The following SCNN1B variants were observed in gnomAD, a reference collection of about 807,000 sequenced individuals.
The protein encoded by SCNN1B is epithelial sodium channel subunit beta.
Under a neutral mutation model 65.3 loss-of-function variants are expected in SCNN1B, and 46 were observed. That is an observed-to-expected ratio of 0.70 (90% CI 0.56 to 0.90). The LOEUF (loss-of-function observed/expected upper bound fraction) is 0.90, where lower values mean the gene tolerates loss of function less well. SCNN1B is among the 40% of genes least tolerant of loss of function. The pLI is 0.00. For missense variants in SCNN1B, 751 were observed against 830.5 expected (o/e 0.90, Z 1.18); for synonymous variants, 349 against 330.6 (o/e 1.06, Z -0.60).
chr16:23,318,488 A>G (rs575979573), intron 1 of SCNN1B, among the ~76,000 whole-genome samples: 1 of 152,306 alleles, frequency 6.6e-6, no homozygotes, highest in South Asian at 2.1e-4. Flanking sequence ...GGACGCCTGT[A>G]ATCCCAGCTA....
intron 10 of SCNN1B, among the ~76,000 whole-genome samples, 173 bp downstream of exon 10, chr16:23,377,559 TTCC>T (rs1962927815): frequency 8.9e-6 from 1 of 112,440 alleles, no homozygotes; most frequent in Admixed American, 9.2e-5. Context: ...CCTTCCTTCC[TTCC>T]TCCTCTCTTT....
At position 23,377,745 on chromosome 16, in the gene SCNN1B, T is replaced by C. The variant is rs186839287; in HGVS notation, c.1404+359T>C. ...TTCTCCCTCCCTCCCCACTTCTGTT[T>C]CCTTCTTTCTTTCCTTCCTTCCTCC... On this transcript the variant is annotated intron_variant, in intron 10 of 12. Coordinates refer to ENST00000343070, the MANE Select transcript of SCNN1B (RefSeq NM_000336.3). Among the ~76,000 whole-genome samples, 249 of 132,314 alleles carry C rather than the reference T, an allele frequency of 1.9e-3. 2 individuals are homozygous for C. Among genetic ancestry groups the C allele is most frequent in the Non-Finnish European group, 1.2e-3 (70 of 60,064 alleles). The allele number at this position is 132,314 out of a possible 152,430, so 86.8% of individuals were successfully genotyped here.
intron 2 of SCNN1B, among the ~76,000 whole-genome samples, chr16:23,287,732 A>G (rs1567284578): frequency 6.6e-6 from 1 of 152,018 alleles, no homozygotes; most frequent in Non-Finnish European, 1.5e-5. Flanking sequence ...TGACAGAGTG[A>G]CACTCAGTCT....
At chr16:23,287,368 G>C (rs1266096583) in intron 2 of SCNN1B, among the ~76,000 whole-genome samples, 1 of 152,020 alleles carries the variant, frequency 6.6e-6, no homozygotes, top group African/African-American at 2.4e-5. Context: ...CATTGACTGG[G>C]TCTCGGTTTA....
At chr16:23,304,174 A>C in intron 1 of SCNN1B, 1 of 1,209,362 alleles carries the variant, frequency 8.3e-7, no homozygotes, top group Non-Finnish European at 1.2e-6. Flanking sequence ...TCTTTATCCT[A>C]AACTAACTTC....
chr16:23,280,343 G>A (rs1470387969), intron 1 of SCNN1B, among the ~76,000 whole-genome samples: 2 of 151,806 alleles, frequency 1.3e-5, no homozygotes, highest in Admixed American at 1.3e-4. Flanking sequence ...TCCCACCTCA[G>A]CCTCTTGAGT....
intron 2 of SCNN1B, among the ~76,000 whole-genome samples, chr16:23,288,234 A>T (rs1960878451): frequency 2.0e-5 from 3 of 152,176 alleles, no homozygotes; most frequent in Admixed American, 2.0e-4. Context: ...TCTATAAAAG[A>T]AAACTGCCCC....
chr16:23,347,464 A>G (rs1245680165), intron 1 of SCNN1B, among the ~76,000 whole-genome samples: 6 of 152,250 alleles, frequency 3.9e-5, no homozygotes, highest in Admixed American at 3.9e-4. Context: ...GTCTAATGAA[A>G]TCAATTTCAC....
At chr16:23,325,887 T>TAATA (rs1555485521) in intron 1 of SCNN1B, among the ~76,000 whole-genome samples, 14,373 of 124,180 alleles carry the variant, frequency 0.12, 835 homozygotes, top group Middle Eastern at 0.14. Context: ...ACCCTGTCTC[T>TAATA]AATAAATAAA....
chr16:23,330,968 C>G (rs1293806119), intron 1 of SCNN1B, among the ~76,000 whole-genome samples: 3 of 152,174 alleles, frequency 2.0e-5, no homozygotes, highest in Non-Finnish European at 4.4e-5. Flanking sequence ...TTCCAAGGAC[C>G]CTGGCACATG....
Position 23,305,571 on chromosome 16 carries a change from TATATA to T in SCNN1B, c.-9+3135_-9+3139del, listed in dbSNP as rs1567290426. On this transcript the variant is annotated intron_variant, in intron 1 of 12. Coordinates refer to ENST00000343070, the MANE Select transcript of SCNN1B (RefSeq NM_000336.3). Reference sequence around the variant, plus strand: ...ATATATATATATATATATATATATATATATATTATATATATATATATATATATAAC... The same window carrying T: ...ATATATATATATATATATATATATATTTATATATATATATATATATATAAC... Among the ~76,000 whole-genome samples, 39 of 33,664 alleles carry T rather than the reference TATATA, an allele frequency of 1.2e-3. 4 individuals carry two copies. Among genetic ancestry groups the T allele is most frequent in the African/African-American group, 5.5e-3 (39 of 7,108 alleles). 22.1% of individuals were successfully genotyped at this position (33,664 alleles called of 152,430 possible).
chr16:23,301,961 G>C (rs1961092757), upstream of SCNN1B, among the ~76,000 whole-genome samples: 1 of 152,192 alleles, frequency 6.6e-6, no homozygotes, highest in Non-Finnish European at 1.5e-5. Context: ...TAGGTGAACG[G>C]GACAGGTACA....
chr16:23,281,346 T>A (rs1960781181), intron 1 of SCNN1B, among the ~76,000 whole-genome samples: 2 of 152,074 alleles, frequency 1.3e-5, no homozygotes, highest in South Asian at 4.2e-4. Context: ...GGCAGGAGAA[T>A]CACTTGAACT....
At chr16:23,331,545 CTT>C (rs1961812729) in intron 1 of SCNN1B, among the ~76,000 whole-genome samples, 1 of 151,948 alleles carries the variant, frequency 6.6e-6, no homozygotes, top group Admixed American at 6.6e-5. Flanking sequence ...GTCTCGAACT[CTT>C]GACCTCAGGT....
At chr16:23,353,865 G>A (rs750106941) in intron 3 of SCNN1B, among the ~76,000 whole-genome samples, 7 of 152,228 alleles carry the variant, frequency 4.6e-5, no homozygotes, top group African/African-American at 9.6e-5. Context: ...TCCCCTGCCC[G>A]TGTCTCAGGA....
At chr16:23,324,219 G>A (rs528706937) in intron 1 of SCNN1B, among the ~76,000 whole-genome samples, 148 of 145,932 alleles carry the variant, frequency 1.0e-3, no homozygotes, top group African/African-American at 3.7e-3. Context: ...ACAGGGTCTT[G>A]CTCTGTTGTC....
At chr16:23,350,252 A>G (rs1278109264) in intron 2 of SCNN1B, among the ~76,000 whole-genome samples, 1 of 152,096 alleles carries the variant, frequency 6.6e-6, no homozygotes, top group Non-Finnish European at 1.5e-5. Flanking sequence ...AGGTTCAGAG[A>G]AGTAAGTGAG....
At position 23,380,788 on chromosome 16, in the gene SCNN1B, G is replaced by A. The variant is rs200166680; in HGVS notation, c.1910G>A (p.Gly637Asp). The A allele has an allele frequency of 2.6e-5, 42 of 1,612,296 alleles. No individual in the cohort carries two copies. Among genetic ancestry groups the A allele is most frequent in the Non-Finnish European group, 3.3e-5 (39 of 1,179,996 alleles). The change falls in exon 13 of 13, where the codon GGT (glycine) becomes GAT (aspartate). Residue 637 changes from glycine to aspartate, a missense_variant. Coordinates refer to ENST00000343070, the MANE Select transcript of SCNN1B (RefSeq NM_000336.3). The surrounding 1 kb of genome is among the most constrained non-coding windows in gnomAD (Gnocchi z 5.4). ...PLDVIESDSE[G>D]DAI Reference sequence around the variant, plus strand: ...GACGTCATCGAGTCTGACAGTGAGGGTGATGCCATCTAACCCTGCCCCTGC... The same window carrying A: ...GACGTCATCGAGTCTGACAGTGAGGATGATGCCATCTAACCCTGCCCCTGC...
At chr16:23,363,470 CG>C (rs1371142545) in intron 4 of SCNN1B, among the ~76,000 whole-genome samples, 1 of 152,198 alleles carries the variant, frequency 6.6e-6, no homozygotes, top group African/African-American at 2.4e-5. Context: ...GCTCCCTCCC[CG>C]GGCTTATGTT....
Sources: gnomAD v4.1 joint callset for allele counts (sites outside exome capture counted in the v4.1 genomes callset) on GRCh38, gnomAD v4.1.1 for gene constraint, Gnocchi (gnomAD v3.1) non-coding constraint, MANE v1.5 for transcripts, NCBI Gene and HGNC (gene_info 2026-07-23, HGNC 2026-07-21) for gene names.